Variants in ARHGAP24 observed in about 807,000 individuals in gnomAD.
ARHGAP24 encodes the protein rho GTPase-activating protein 24.
In ARHGAP24, 50 loss-of-function variants were observed where a neutral mutation model predicts 76.4. That is an observed-to-expected ratio of 0.65 (90% CI 0.52 to 0.83). The LOEUF (loss-of-function observed/expected upper bound fraction) is 0.83, where lower values mean the gene tolerates loss of function less well. Ranked by LOEUF, ARHGAP24 falls within the 40% of genes least tolerant of loss-of-function variation. The probability of loss-of-function intolerance (pLI) is 0.00; values close to 1 mark genes in which losing one functional copy is unlikely to be tolerated. For missense variants in ARHGAP24, 930 were observed against 914.2 expected, an observed-to-expected ratio of 1.02 and a Z score of -0.22; for synonymous variants, 345 against 323.3, an observed-to-expected ratio of 1.07 and a Z score of -0.72.
At chr4:85,901,365 G>A (rs930371288) in intron 3 of ARHGAP24, among the ~76,000 whole-genome samples, 4 of 151,734 alleles carry the variant, frequency 2.6e-5, no homozygotes, top group Non-Finnish European at 1.5e-5. Flanking sequence ...GGAAGCCCAA[G>A]AGGGAAAACA....
Position 85,570,645 on chromosome 4 carries a change from C to T in ARHGAP24, c.104C>T (p.Thr35Ile), listed in dbSNP as rs1470751535. The T allele has an allele frequency of 1.9e-6, 3 of 1,614,136 alleles. No homozygotes were observed. The African/African-American group carries it at 4.0e-5, about 22-fold the overall frequency. Residue 35 changes from threonine to isoleucine, a missense_variant, in exon 2 of 10, where the codon ACT (threonine) becomes ATT (isoleucine). Physicochemically the swap from Thr to Ile is moderately conservative, Grantham distance 89. Coordinates refer to ENST00000395184, the MANE Select transcript of ARHGAP24 (RefSeq NM_001025616.3). ...AGGAAGCAAGGAGGCTTTGTCAAGA[C>T]TTGGCATACTCGCTGGTTTGTGCTC... ...WLRKQGGFVK[T>I]WHTRWFVLKG...
chr4:85,826,681 C>A (rs1729726622), intron 3 of ARHGAP24, among the ~76,000 whole-genome samples: 1 of 152,182 alleles, frequency 6.6e-6, no homozygotes, highest in Non-Finnish European at 1.5e-5. Context: ...TTTTGTCCTA[C>A]ACTCTGTCCC....
chr4:85,477,974 T>G (rs1722668919), intron 1 of ARHGAP24, among the ~76,000 whole-genome samples: 1 of 152,234 alleles, frequency 6.6e-6, no homozygotes, highest in African/African-American at 2.4e-5. Flanking sequence ...GTCATGCTGA[T>G]TCCTTCTTTC....
At chr4:85,828,489 G>T (rs538453480) in intron 3 of ARHGAP24, among the ~76,000 whole-genome samples, 1 of 151,306 alleles carries the variant, frequency 6.6e-6, no homozygotes, top group East Asian at 1.9e-4. Context: ...ACAACTACTT[G>T]GCCATTTGTG....
intron 5 of ARHGAP24, among the ~76,000 whole-genome samples, chr4:85,946,064 G>C (rs1737246737): frequency 6.6e-6 from 1 of 152,132 alleles, no homozygotes; most frequent in South Asian, 2.1e-4. Flanking sequence ...CAAAAAGAGA[G>C]AGCTTATGCA....
intron 3 of ARHGAP24, among the ~76,000 whole-genome samples, chr4:85,865,485 A>C (rs1291585687): frequency 4.7e-5 from 7 of 147,530 alleles, no homozygotes; most frequent in African/African-American, 1.5e-4. Flanking sequence ...AGTATAAACA[A>C]ATAATAAATA....
intron 2 of ARHGAP24, among the ~76,000 whole-genome samples, chr4:85,621,659 T>A (rs1005339573): frequency 6.6e-6 from 1 of 152,152 alleles, no homozygotes; most frequent in Non-Finnish European, 1.5e-5. Context: ...AGATTATGGA[T>A]CTAAGTCCTT....
intron 3 of ARHGAP24, among the ~76,000 whole-genome samples, chr4:85,806,464 A>G (rs1728795756): frequency 6.6e-6 from 1 of 152,218 alleles, no homozygotes; most frequent in Non-Finnish European, 1.5e-5. Context: ...GCCTAAAATT[A>G]CACATTCTAC....
At chr4:85,953,443 A>C (rs867380377) in intron 5 of ARHGAP24, among the ~76,000 whole-genome samples, 112 of 152,334 alleles carry the variant, frequency 7.4e-4, no homozygotes, top group African/African-American at 9.9e-4. Flanking sequence ...TCTGGGAATT[A>C]CTGAACTGAG....
intron 5 of ARHGAP24, among the ~76,000 whole-genome samples, chr4:85,955,507 T>C (rs1229241557): frequency 6.6e-6 from 1 of 152,214 alleles, no homozygotes; most frequent in Non-Finnish European, 1.5e-5. Flanking sequence ...GTTTCATGCC[T>C]GTCTCTTAAA....
chr4:85,553,454 G>T (rs1392539439), intron 1 of ARHGAP24, among the ~76,000 whole-genome samples: 1 of 152,188 alleles, frequency 6.6e-6, no homozygotes, highest in Non-Finnish European at 1.5e-5. Flanking sequence ...GTTTTACAGA[G>T]TGCTGATTGG....
intron 5 of ARHGAP24, among the ~76,000 whole-genome samples, chr4:85,964,839 G>A (rs752230421): frequency 8.6e-5 from 13 of 151,934 alleles, no homozygotes; most frequent in African/African-American, 2.4e-4. Flanking sequence ...TCTTATATAC[G>A]TAAAGAGAGT....
intron 4 of ARHGAP24, chr4:85,930,792 A>G (rs556081161): frequency 6.8e-7 from 1 of 1,474,446 alleles, no homozygotes; most frequent in Non-Finnish European, 9.0e-7. Context: ...CAGGACCTGG[A>G]TGATCAAAAC....
intron 1 of ARHGAP24, among the ~76,000 whole-genome samples, chr4:85,553,937 T>G (rs909218031): frequency 6.6e-6 from 1 of 152,220 alleles, no homozygotes; most frequent in Non-Finnish European, 1.5e-5. Context: ...AGTGTGTTTT[T>G]GTAGTGGTGC....
Position 85,942,197 on chromosome 4 carries a change from C to T in ARHGAP24, c.523C>T (p.Arg175Ter), listed in dbSNP as rs1200831096. 2.5e-6 allele frequency: 4 copies of T among 1,613,990 alleles called. No homozygotes were observed. Among genetic ancestry groups the T allele is most frequent in the Middle Eastern group, 1.7e-4 (1 of 6,030 alleles). ...QRGLKEEGLF[R>*]LPGQANLVKE... Reference sequence around the variant, plus strand: ...GGGGCTGAAAGAAGAGGGTCTCTTTCGACTGCCAGGCCAGGCTAATCTTGT... The same window carrying T: ...GGGGCTGAAAGAAGAGGGTCTCTTTTGACTGCCAGGCCAGGCTAATCTTGT... Residue 175 changes from arginine to a stop codon, truncating the protein, a stop_gained, in exon 5 of 10, where the codon CGA becomes TGA. Coordinates refer to ENST00000395184, the MANE Select transcript of ARHGAP24 (RefSeq NM_001025616.3). LOFTEE classifies it high-confidence loss of function.
At chr4:85,618,071 T>C (rs956267408) in intron 2 of ARHGAP24, among the ~76,000 whole-genome samples, 1 of 152,182 alleles carries the variant, frequency 6.6e-6, no homozygotes, top group Non-Finnish European at 1.5e-5. Context: ...AGTATCCATG[T>C]TGTACATTAA....
chr4:85,917,482 C>A lies in ARHGAP24; in HGVS notation c.269-6166C>A, dbSNP rs1283016170. The stretch of plus-strand genomic sequence containing the variant: ...TTCTAGTTCTAGATCCCTGAGGAAT[C>A]GCCACACTGACTTCCACAATGGTTG... On this transcript the variant is annotated intron_variant, in intron 3 of 9. Coordinates refer to ENST00000395184, the MANE Select transcript of ARHGAP24 (RefSeq NM_001025616.3). Among the ~76,000 whole-genome samples the A allele has an allele frequency of 2.0e-5, 3 of 151,842 alleles. No individual in the cohort carries two copies. The South Asian group carries it at 6.3e-4, about 32-fold the overall frequency.
intron 3 of ARHGAP24, among the ~76,000 whole-genome samples, chr4:85,773,494 C>T (rs1055401478): frequency 1.3e-5 from 2 of 152,116 alleles, no homozygotes; most frequent in Non-Finnish European, 2.9e-5. Context: ...TGTTAATCCT[C>T]TCCTTCTGCA....
intron 2 of ARHGAP24, among the ~76,000 whole-genome samples, chr4:85,587,215 G>A (rs954334147): frequency 1.3e-5 from 2 of 152,134 alleles, no homozygotes; most frequent in African/African-American, 4.8e-5. Context: ...ACCCCAAGTG[G>A]TATTCCTTAA....
Sources: gnomAD v4.1 joint callset for allele counts (sites outside exome capture counted in the v4.1 genomes callset) on GRCh38, gnomAD v4.1.1 for gene constraint, MANE v1.5 for transcripts, NCBI Gene and HGNC (gene_info 2026-07-23, HGNC 2026-07-21) for gene names.